CLDN16: variants seen among roughly 807,000 people sequenced by gnomAD.
CLDN16 encodes claudin 16, also known as claudin-16.
A neutral mutation model predicts 24.6 loss-of-function variants in CLDN16; 13 were observed. The ratio of observed to expected loss-of-function variants is 0.53; its 90% confidence interval spans 0.34 to 0.84. CLDN16 has a LOEUF of 0.84. Ranked by LOEUF, CLDN16 falls within the 40% of genes least tolerant of loss-of-function variation. The pLI is 0.01. For missense variants in CLDN16, 298 were observed against 292.7 expected (o/e 1.02, Z -0.13); for synonymous variants, 116 against 106.7 (o/e 1.09, Z -0.54).
At chr3:190,304,129 G>A in the CLDN16 span, among the ~76,000 whole-genome samples, 1 of 152,150 alleles carries the variant, frequency 6.6e-6, no homozygotes, top group East Asian at 1.9e-4. Context: ...TTTGATTTGG[G>A]TGAGGCCTTA....
intron 1 of CLDN16, among the ~76,000 whole-genome samples, chr3:190,363,221 C>T (rs1204431244): frequency 6.6e-6 from 1 of 151,362 alleles, no homozygotes; most frequent in Non-Finnish European, 1.5e-5. Flanking sequence ...GTTCAATTTG[C>T]TATTGACACC....
chr3:190,400,069 A>G (rs1379383398), intron 1 of CLDN16, among the ~76,000 whole-genome samples: 1 of 152,176 alleles, frequency 6.6e-6, no homozygotes, highest in African/African-American at 2.4e-5. Flanking sequence ...GTCTTGCACG[A>G]AACCGGTCCC....
upstream of CLDN16, among the ~76,000 whole-genome samples, chr3:190,317,994 G>A (rs1298587470): frequency 6.6e-6 from 1 of 152,184 alleles, no homozygotes; most frequent in Non-Finnish European, 1.5e-5. Context: ...CTTCTCCCCT[G>A]CAATTAAATG....
intron 1 of CLDN16, among the ~76,000 whole-genome samples, chr3:190,336,346 A>G (rs73058339): frequency 0.043 from 6,543 of 152,258 alleles, 321 homozygotes; most frequent in African/African-American, 0.12. Context: ...TAAGCCATGC[A>G]GATTCAGTGG....
intron 1 of CLDN16, among the ~76,000 whole-genome samples, chr3:190,339,168 C>T: frequency 6.6e-6 from 1 of 152,170 alleles, no homozygotes; most frequent in East Asian, 1.9e-4. Context: ...CTCTACCCAT[C>T]CTTCATCTTT....
chr3:190,406,203 G>T (rs1481187754), intron 3 of CLDN16, among the ~76,000 whole-genome samples: 2 of 152,072 alleles, frequency 1.3e-5, no homozygotes, highest in Non-Finnish European at 2.9e-5. Context: ...TCAGAACTTG[G>T]GCCTCCCTGA....
At chr3:190,346,430 C>T (rs1394452712) in intron 1 of CLDN16, among the ~76,000 whole-genome samples, 2 of 152,032 alleles carry the variant, frequency 1.3e-5, no homozygotes, top group East Asian at 1.9e-4. Flanking sequence ...GTCATATTTG[C>T]GTTTTAACAG....
intron 1 of CLDN16, among the ~76,000 whole-genome samples, chr3:190,391,809 G>A (rs376130505): frequency 6.6e-6 from 1 of 152,114 alleles, no homozygotes; most frequent in Non-Finnish European, 1.5e-5. Flanking sequence ...ACAGAATTAC[G>A]ATGTGCACAA....
rs1318443756 is a variant in CLDN16, at chr3:190,411,212, A to G, written c.*1176A>G. ...GAGGTGGAGGTTGCAGTGAGCGGAG[A>G]TCGCACCATTGCACTCCAGTCTGGC... On this transcript the variant is annotated 3_prime_UTR_variant, in exon 5 of 5. Transcript: ENST00000264734. The G allele has an allele frequency of 6.6e-6, 1 of 152,206 alleles. No homozygotes were observed. The highest frequency in any genetic ancestry group is 1.5e-5 in the Non-Finnish European group (1 of 68,040). The allele number at this position is 152,206 out of a possible 1,614,324, so 9.4% of individuals were successfully genotyped here.
intron 1 of CLDN16, among the ~76,000 whole-genome samples, chr3:190,399,509 CA>C (rs532153086): frequency 4.7e-5 from 3 of 64,466 alleles, no homozygotes; most frequent in East Asian, 6.9e-4. Flanking sequence ...GACTCTGCCT[CA>C]AAAAAAATTG....
At chr3:190,376,510 A>T (rs1277999890) in intron 3 of CLDN16, among the ~76,000 whole-genome samples, 4 of 151,944 alleles carry the variant, frequency 2.6e-5, no homozygotes, top group African/African-American at 9.7e-5. Context: ...AGCATCTTCC[A>T]TAGGAATATA....
intron 1 of CLDN16, among the ~76,000 whole-genome samples, chr3:190,366,240 C>T (rs981759960): frequency 1.3e-5 from 2 of 151,802 alleles, no homozygotes; most frequent in African/African-American, 4.8e-5. Context: ...TTCTTTCTTT[C>T]TTTCTCAAAA....
At chr3:190,347,828 G>A (rs1577404256) in intron 1 of CLDN16, among the ~76,000 whole-genome samples, 1 of 152,026 alleles carries the variant, frequency 6.6e-6, no homozygotes, top group Non-Finnish European at 1.5e-5. Flanking sequence ...TGATTTCAGG[G>A]ATCTAAGTGC....
Position 190,410,242 on chromosome 3 carries a change from C to T in CLDN16, c.*206C>T. Reference sequence around the variant, plus strand: ...CGTCATTCTCTCTGCTAACCTTCCACCTTATGCACACACTTTCCCTATATT... The same window carrying T: ...CGTCATTCTCTCTGCTAACCTTCCATCTTATGCACACACTTTCCCTATATT... On this transcript the variant is annotated 3_prime_UTR_variant, in exon 5 of 5. Transcript: ENST00000264734. 1 of 586,364 alleles carries T rather than the reference C, an allele frequency of 1.7e-6. No homozygotes were observed. Among genetic ancestry groups the T allele is most frequent in the South Asian group, 2.0e-5 (1 of 49,180 alleles). The allele number at this position is 586,364 out of a possible 1,614,324, so 36.3% of individuals were successfully genotyped here.
intron 1 of CLDN16, among the ~76,000 whole-genome samples, chr3:190,356,028 T>C (rs1451877651): frequency 1.3e-5 from 2 of 151,710 alleles, no homozygotes; most frequent in African/African-American, 4.8e-5. Context: ...TTAGGTCCAG[T>C]TCAGATTTAG....
intron 1 of CLDN16, among the ~76,000 whole-genome samples, chr3:190,361,941 G>A (rs189013059): frequency 9.0e-4 from 136 of 151,250 alleles, no homozygotes; most frequent in African/African-American, 2.8e-3. Context: ...ATCCACCTGC[G>A]TAATAAAAGA....
chr3:190,347,701 T>C (rs1199684549), intron 1 of CLDN16, among the ~76,000 whole-genome samples: 1 of 151,964 alleles, frequency 6.6e-6, no homozygotes, highest in Non-Finnish European at 1.5e-5. Context: ...GTGTAGACAA[T>C]AAAAAGAGGT....
chr3:190,385,529 TG>T (rs1368475864), upstream of CLDN16, among the ~76,000 whole-genome samples: 3 of 151,966 alleles, frequency 2.0e-5, no homozygotes, highest in Non-Finnish European at 2.9e-5. Context: ...TCACATACAA[TG>T]TTCAGTGACC....
At chr3:190,324,022 G>A (rs1014892595) in intron 1 of CLDN16, among the ~76,000 whole-genome samples, 3 of 152,168 alleles carry the variant, frequency 2.0e-5, no homozygotes, top group Non-Finnish European at 4.4e-5. Context: ...TGTCAGTGTG[G>A]ATGAAGATGT....
Sources: allele counts gnomAD v4.1 joint callset (sites outside exome capture counted in the v4.1 genomes callset), GRCh38; gene constraint gnomAD v4.1.1; transcripts MANE v1.5; gene names NCBI Gene and HGNC (gene_info 2026-07-23, HGNC 2026-07-21).